The following INVS variants were observed in gnomAD, a reference collection of about 807,000 sequenced individuals.
INVS encodes inversion of embryo turning homolog.
INVS carries 86 observed loss-of-function variants against 108.8 expected under a neutral mutation model. The observed-to-expected ratio is 0.79, with a 90% CI of 0.66 to 0.95. INVS has a LOEUF of 0.95. INVS is among the 40% of genes least tolerant of loss of function. The probability of loss-of-function intolerance (pLI) is 0.00; values close to 1 mark genes in which losing one functional copy is unlikely to be tolerated. For synonymous variants in INVS, 455 were observed against 473.5 expected (o/e 0.96, Z 0.51); for missense variants, 1,169 against 1,297.4 (o/e 0.90, Z 1.52).
chr9:100,257,910 A>G (rs549639844), intron 10 of INVS, among the ~76,000 whole-genome samples: 22 of 152,242 alleles, frequency 1.4e-4, no homozygotes, highest in African/African-American at 4.6e-4. Context: ...CTCGAGGAGT[A>G]TCTTTGTGGC....
chr9:100,184,746 A>G (rs1173621348), intron 3 of INVS, among the ~76,000 whole-genome samples: 1 of 152,140 alleles, frequency 6.6e-6, no homozygotes, highest in African/African-American at 2.4e-5. Flanking sequence ...GGGAGCACTC[A>G]AAGAGATCTT....
chr9:100,245,420 C>T (rs577923977), intron 7 of INVS, among the ~76,000 whole-genome samples: 11 of 152,144 alleles, frequency 7.2e-5, no homozygotes, highest in Admixed American at 2.6e-4. Flanking sequence ...GCTGGGACTA[C>T]AGGCATGTGC....
At chr9:100,175,113 T>G (rs975316224) in intron 3 of INVS, 1 of 297,126 alleles carries the variant, frequency 3.4e-6, no homozygotes, top group African/African-American at 2.2e-5. Flanking sequence ...AAAAACAGTC[T>G]TAAAGCCTTA....
At chr9:100,259,302 T>C (rs944490869) in intron 10 of INVS, among the ~76,000 whole-genome samples, 8 of 152,130 alleles carry the variant, frequency 5.3e-5, no homozygotes, top group African/African-American at 1.7e-4. Context: ...GTGTCCCGAT[T>C]TTCCAGGTAC....
chr9:100,260,186 CT>C lies in INVS; in HGVS notation c.1465-4616del, dbSNP rs372496395. 5.0e-3 allele frequency among the ~76,000 whole-genome samples: 511 copies of C among 101,502 alleles called. 1 individual carries two copies. The highest frequency in any genetic ancestry group is 0.016 in the African/African-American group (447 of 27,300). 66.6% of individuals were successfully genotyped at this position (101,502 alleles called of 152,430 possible). A position where few individuals can be genotyped will look rare whatever the true frequency, so the allele number is the denominator to read the frequency against. On this transcript the variant is annotated intron_variant, in intron 10 of 16. Transcript: ENST00000262457. ...TGTCCGACCTATTACATTTTCTTTT[CT>C]TTTTTTTTTTTTTTTTTTTGAGACA...
intron 2 of INVS, among the ~76,000 whole-genome samples, chr9:100,107,476 T>G (rs1489787122): frequency 6.6e-6 from 1 of 152,224 alleles, no homozygotes; most frequent in African/African-American, 2.4e-5. Context: ...TGTATCTCTT[T>G]ACCTGTCCAT....
chr9:100,224,113 A>C (rs1446480395), intron 3 of INVS, among the ~76,000 whole-genome samples: 1 of 152,230 alleles, frequency 6.6e-6, no homozygotes, highest in Non-Finnish European at 1.5e-5. Context: ...TTGTTGGGCC[A>C]CATTCAAAGC....
rs1044188982 is a variant in INVS at position 100,301,625 on chromosome 9, T to C, written c.*951T>C. 4.6e-5 allele frequency among the ~76,000 whole-genome samples: 7 copies of C among 152,188 alleles called. No individual in the cohort carries two copies. ...CCAGTGATGATGGGCTCTTTCACAT[T>C]GTTTAAGGGGAAAGCTGCTGTGAGA... On this transcript the variant is annotated 3_prime_UTR_variant, in exon 17 of 17. Coordinates refer to ENST00000262457, the MANE Select transcript of INVS (RefSeq NM_014425.5).
At chr9:100,253,496 T>C (rs1405906993) in intron 10 of INVS, among the ~76,000 whole-genome samples, 5 of 152,086 alleles carry the variant, frequency 3.3e-5, no homozygotes, top group African/African-American at 1.2e-4. Context: ...ATATGTGCCA[T>C]GTTGGTGTGC....
intron 3 of INVS, among the ~76,000 whole-genome samples, chr9:100,164,404 T>A (rs1829293092): frequency 7.0e-6 from 1 of 142,074 alleles, no homozygotes; most frequent in African/African-American, 3.0e-5. Context: ...ACTTTGACAC[T>A]AAGTTTTTTT....
intron 3 of INVS, chr9:100,175,936 C>T (rs768129850): frequency 8.6e-6 from 5 of 578,272 alleles, no homozygotes; most frequent in Non-Finnish European, 1.7e-5. Flanking sequence ...TGGAGGCTGC[C>T]TTGGAAACTG....
At chr9:100,261,445 T>A (rs1276695723) in intron 10 of INVS, among the ~76,000 whole-genome samples, 1 of 152,074 alleles carries the variant, frequency 6.6e-6, no homozygotes, top group Non-Finnish European at 1.5e-5. Context: ...TTTTTTTGTA[T>A]TTTTAGTAGA....
At chr9:100,120,959 C>G (rs1160614664) in intron 2 of INVS, 1 of 152,170 alleles carries the variant, frequency 6.6e-6, no homozygotes, top group African/African-American at 2.4e-5. Context: ...GAATGTGTTG[C>G]TGAACTCTCA....
chr9:100,276,796 C>T (rs1294388614), intron 12 of INVS, among the ~76,000 whole-genome samples: 3 of 152,202 alleles, frequency 2.0e-5, no homozygotes, highest in East Asian at 3.9e-4. Context: ...TGAGCCACCA[C>T]GCCCAGCCCC....
chr9:100,283,750 G>A (rs569392953), intron 12 of INVS, among the ~76,000 whole-genome samples: 8 of 152,194 alleles, frequency 5.3e-5, no homozygotes, highest in Non-Finnish European at 7.3e-5. Flanking sequence ...GGTCTCATCT[G>A]TAAAATGAGT....
intron 3 of INVS, among the ~76,000 whole-genome samples, chr9:100,161,758 G>T (rs1005982625): frequency 2.0e-5 from 3 of 152,128 alleles, no homozygotes; most frequent in Non-Finnish European, 4.4e-5. Flanking sequence ...CGCTTAGGTT[G>T]ATTTAACTCT....
At chr9:100,167,302 G>A (rs888551833) in intron 3 of INVS, among the ~76,000 whole-genome samples, 2 of 151,812 alleles carry the variant, frequency 1.3e-5, no homozygotes, top group Non-Finnish European at 2.9e-5. Flanking sequence ...TTTATTTCAT[G>A]TTCTGAATTC....
intron 5 of INVS, 49 bp from the exon 6 acceptor site, chr9:100,240,011 T>G: frequency 2.5e-5 from 37 of 1,482,748 alleles, no homozygotes; most frequent in Non-Finnish European, 3.5e-5. Flanking sequence ...CAAATGTAAT[T>G]TATTGAGGAT....
chr9:100,282,475 C>G (rs1238557734), intron 12 of INVS, among the ~76,000 whole-genome samples: 3 of 152,166 alleles, frequency 2.0e-5, no homozygotes, highest in African/African-American at 7.2e-5. Flanking sequence ...CTACTCCATA[C>G]AGGAAGAAAG....
Sources: gnomAD v4.1 joint callset for allele counts (sites outside exome capture counted in the v4.1 genomes callset) on GRCh38, gnomAD v4.1.1 for gene constraint, MANE v1.5 for transcripts, NCBI Gene and HGNC (gene_info 2026-07-23, HGNC 2026-07-21) for gene names.